MED12L: variants seen among roughly 807,000 people sequenced by gnomAD.
MED12L encodes the protein mediator of RNA polymerase II transcription subunit 12-like protein.
Under a neutral mutation model 281.3 loss-of-function variants are expected in MED12L, and 60 were observed. That is an observed-to-expected ratio of 0.21 (90% confidence interval 0.17 to 0.26). The LOEUF (loss-of-function observed/expected upper bound fraction) is 0.26, where lower values mean the gene tolerates loss of function less well. MED12L is among the 10% of genes least tolerant of loss of function. The pLI is 1.00. For missense variants in MED12L, 2,146 were observed against 2,680.9 expected, an observed-to-expected ratio of 0.80 and a Z score of 4.41; for synonymous variants, 974 against 987.2, an observed-to-expected ratio of 0.99 and a Z score of 0.25.
At chr3:151,213,549 G>A (rs1727565544) in intron 16 of MED12L, 3 of 1,614,098 alleles carry the variant, frequency 1.9e-6, no homozygotes, top group African/African-American at 2.7e-5. Context: ...GACTCTTTGT[G>A]TAGGGGATTC....
chr3:151,168,748 C>T (rs772008667), intron 11 of MED12L, among the ~76,000 whole-genome samples: 1 of 152,156 alleles, frequency 6.6e-6, no homozygotes, highest in Non-Finnish European at 1.5e-5. Context: ...GTCTGTTGCC[C>T]AGGCTAGAGT....
intron 16 of MED12L, among the ~76,000 whole-genome samples, chr3:151,309,690 C>G (rs1047055699): frequency 6.6e-6 from 1 of 152,192 alleles, no homozygotes; most frequent in African/African-American, 2.4e-5. Context: ...TCCCATACCT[C>G]CAGCTGTTGT....
At chr3:151,213,394 T>C in intron 16 of MED12L, 1 of 1,614,060 alleles carries the variant, frequency 6.2e-7, no homozygotes, top group Non-Finnish European at 8.5e-7. Flanking sequence ...GTGCAATTTC[T>C]TACATAAGAT....
rs746409371 is a variant in MED12L at position 151,192,073 on chromosome 3, A to T, written c.1969-477A>T. ...GTTTTCAAAATGGTGTCGGGTTAAA[A>T]ATATTTAAACATTTGTCTTAATTTA... On this transcript the variant is annotated intron_variant, in intron 14 of 44. Coordinates refer to ENST00000687756, the MANE Select transcript of MED12L (RefSeq NM_001393769.1). Among the ~76,000 whole-genome samples the T allele has an allele frequency of 6.0e-4, 92 of 152,364 alleles. No individual in the cohort carries two copies. In the Middle Eastern group the frequency reaches 0.02, roughly 34 times the overall value.
intron 16 of MED12L, among the ~76,000 whole-genome samples, chr3:151,317,178 T>C (rs1451392259): frequency 1.3e-5 from 2 of 152,172 alleles, no homozygotes; most frequent in Non-Finnish European, 2.9e-5. Flanking sequence ...ATTCTACATA[T>C]TATTTAAAGA....
Position 151,163,883 on chromosome 3 carries a change from T to G in MED12L, c.1108-10T>G. On this transcript the variant is annotated splice_polypyrimidine_tract_variant and intron_variant, in intron 8 of 44. Transcript: ENST00000687756. ...CTCTGAACATCCAACTTTATCTGTT[T>G]CATTTCCAGACTGTCACTCTCTGTT... 6.2e-7 allele frequency: 1 copy of G among 1,610,334 alleles called. No individual in the cohort carries two copies. Among genetic ancestry groups the G allele is most frequent in the Non-Finnish European group, 8.5e-7 (1 of 1,177,574 alleles).
chr3:151,213,529 G>A (rs1727558341), intron 16 of MED12L: 4 of 1,614,152 alleles, frequency 2.5e-6, no homozygotes, highest in Non-Finnish European at 3.4e-6. Flanking sequence ...GCTGTAATGA[G>A]CTTCGGTCTG....
intron 16 of MED12L, among the ~76,000 whole-genome samples, chr3:151,206,559 T>C (rs1030145062): frequency 6.6e-6 from 1 of 151,878 alleles, no homozygotes; most frequent in African/African-American, 2.4e-5. Context: ...CTCGTTTCTT[T>C]TTAGTCACTG....
intron 5 of MED12L, among the ~76,000 whole-genome samples, chr3:151,133,153 C>T (rs1010332161): frequency 3.3e-5 from 5 of 152,252 alleles, no homozygotes; most frequent in African/African-American, 9.6e-5. Flanking sequence ...AAAGTGTTTT[C>T]GGTAGAAATG....
rs550426528 is a variant in MED12L, at chr3:151,344,924, G to A, written c.2251-5135G>A. Among the ~76,000 whole-genome samples the A allele has an allele frequency of 3.9e-5, 6 of 152,206 alleles. No individual in the cohort carries two copies. The South Asian group carries it at 1.2e-3, about 32-fold the overall frequency. ...TCTTTGTCAACACATACACATTTTG[G>A]CAAAATTTCTAATCAGTTATTTTAA... On this transcript the variant is annotated intron_variant, in intron 16 of 44. Coordinates refer to ENST00000687756, the MANE Select transcript of MED12L (RefSeq NM_001393769.1).
At chr3:151,193,971 T>C (rs1369374124) in intron 16 of MED12L, among the ~76,000 whole-genome samples, 1 of 149,104 alleles carries the variant, frequency 6.7e-6, no homozygotes, top group East Asian at 1.9e-4. Flanking sequence ...TTTTCTTTTT[T>C]TTTTTTTTTT....
chr3:151,390,787 A>G (rs898387927), intron 38 of MED12L, among the ~76,000 whole-genome samples: 5 of 152,130 alleles, frequency 3.3e-5, no homozygotes, highest in African/African-American at 1.2e-4. Flanking sequence ...AAATTTTTCT[A>G]TTGTGATTTT....
chr3:151,144,467 G>A (rs1717495305), intron 5 of MED12L, among the ~76,000 whole-genome samples: 1 of 152,092 alleles, frequency 6.6e-6, no homozygotes, highest in Non-Finnish European at 1.5e-5. Context: ...CAAGACTTTT[G>A]TGCTCTTGTC....
At chr3:151,430,155 T>G in intron 43 of MED12L, 144 bp from the exon 44 acceptor site, 1 of 1,214,058 alleles carries the variant, frequency 8.2e-7, no homozygotes, top group Non-Finnish European at 1.1e-6. Flanking sequence ...TAGATGAAAA[T>G]TAATCCACAC....
rs116644148 is a variant in MED12L at position 151,299,491 on chromosome 3, T to A, written c.2251-50568T>A. On this transcript the variant is annotated intron_variant, in intron 16 of 44. Transcript: ENST00000687756. ...CTCCCTCTCTTCCTTTCTTCCTTTT[T>A]TTTCTGATACAGAGTCTTGCTCTGT... 5.9e-3 allele frequency among the ~76,000 whole-genome samples: 874 copies of A among 148,652 alleles called. 12 individuals carry two copies. Among genetic ancestry groups the A allele is most frequent in the African/African-American group, 0.021 (843 of 40,146 alleles).
intron 16 of MED12L, among the ~76,000 whole-genome samples, chr3:151,221,760 T>G (rs1199339478): frequency 6.6e-6 from 1 of 152,196 alleles, no homozygotes; most frequent in Non-Finnish European, 1.5e-5. Flanking sequence ...AGGGCTCTCA[T>G]GGAGAACCTC....
intron 16 of MED12L, among the ~76,000 whole-genome samples, chr3:151,289,107 A>G (rs915343693): frequency 2.6e-5 from 4 of 152,210 alleles, no homozygotes; most frequent in Non-Finnish European, 5.9e-5. Flanking sequence ...TAGGAAGTGA[A>G]ATTTGAATCA....
At chr3:151,140,672 A>ATTTG (rs1716794160) in intron 5 of MED12L, among the ~76,000 whole-genome samples, 1 of 132,416 alleles carries the variant, frequency 7.6e-6, no homozygotes, top group African/African-American at 3.6e-5. Flanking sequence ...TAGTTTTTGA[A>ATTTG]TTTATTTATT....
chr3:151,123,950 A>G (rs889518036), intron 4 of MED12L, among the ~76,000 whole-genome samples: 2 of 152,260 alleles, frequency 1.3e-5, no homozygotes, highest in African/African-American at 2.4e-5. Flanking sequence ...TGTAACAGTC[A>G]GCATAACCAC....
Sources: allele counts gnomAD v4.1 joint callset (sites outside exome capture counted in the v4.1 genomes callset), GRCh38; gene constraint gnomAD v4.1.1; transcripts MANE v1.5; gene names NCBI Gene and HGNC (gene_info 2026-07-23, HGNC 2026-07-21).